CDK12: variants seen among roughly 807,000 people sequenced by gnomAD.
The protein encoded by CDK12 is cyclin dependent kinase 12.
CDK12 carries 17 observed loss-of-function variants against 133.8 expected under a neutral mutation model. The ratio of observed to expected loss-of-function variants is 0.13; its 90% CI spans 0.09 to 0.19. The LOEUF is 0.19. Among genes scored for constraint, CDK12 ranks in the 10% least tolerant of loss-of-function variants. CDK12 has a pLI of 1.00. For missense variants in CDK12, 1,508 were observed against 1,818.7 expected (o/e 0.83, Z 3.11); for synonymous variants, 694 against 683.6 (o/e 1.02, Z -0.24).
At chr17:39,472,202 T>C (rs2145225690) in intron 2 of CDK12, among the ~76,000 whole-genome samples, 2 of 152,118 alleles carry the variant, frequency 1.3e-5, no homozygotes, top group South Asian at 4.2e-4. Flanking sequence ...CATACTGGTC[T>C]GGAACTCCTG....
intron 3 of CDK12, 55 bp downstream of exon 3, chr17:39,490,788 C>G (rs973921075): frequency 7.5e-7 from 1 of 1,333,050 alleles, no homozygotes; most frequent in Non-Finnish European, 1.0e-6. Flanking sequence ...TCCTTTTGAA[C>G]TAAATCTCTC....
chr17:39,560,969 G>A lies in CDK12; in HGVS notation n.485-3791G>A, dbSNP rs548844009. Among the ~76,000 whole-genome samples, 5 of 152,230 alleles carry A rather than the reference G, an allele frequency of 3.3e-5. No homozygotes were observed. The South Asian group carries it at 6.2e-4, about 19-fold the overall frequency. ...GTGGAGGCTGCAGTGAGCCAAGATCGTGCCGCTGCACTCCAGCCTGGGCGA... is the reference window on the plus strand; with the variant it reads ...GTGGAGGCTGCAGTGAGCCAAGATCATGCCGCTGCACTCCAGCCTGGGCGA... On this transcript the variant is annotated intron_variant and non_coding_transcript_variant, in intron 3 of 3. Transcript: ENST00000558240.
intron 2 of CDK12, among the ~76,000 whole-genome samples, chr17:39,474,021 C>T (rs1438788516): frequency 6.6e-6 from 1 of 152,198 alleles, no homozygotes; most frequent in Non-Finnish European, 1.5e-5. Flanking sequence ...CATGCCACTG[C>T]ACTCCAGCCT....
rs1306082764 is a variant in CDK12 at position 39,525,989 on chromosome 17, G to A, written c.3433G>A (p.Glu1145Lys). 6.2e-7 allele frequency: 1 copy of A among 1,614,176 alleles called. No homozygotes were observed. The highest frequency in any genetic ancestry group is 1.1e-5 in the South Asian group (1 of 91,090). ...GCTGCTTAACATCCACTCCAACCCA[G>A]AGATGCAGCAGCAGCTGGAAGCCCT... Reference protein sequence around the residue: ...AQLLNIHSNPEMQQQLEALNQ... With the variant: ...AQLLNIHSNPKMQQQLEALNQ... The change falls in exon 13 of 14, where the codon GAG becomes AAG. Residue 1145 changes from glutamate (E) to lysine (K), a missense_variant. Glu to Lys is a moderately conservative substitution (Grantham distance 56). Coordinates refer to ENST00000447079, the MANE Select transcript of CDK12 (RefSeq NM_016507.4).
intron 1 of CDK12, among the ~76,000 whole-genome samples, chr17:39,463,478 G>T (rs980878412): frequency 6.6e-6 from 1 of 152,066 alleles, no homozygotes; most frequent in East Asian, 1.9e-4. Flanking sequence ...AATCACATTG[G>T]TATTTGTGCT....
intron 8 of CDK12, among the ~76,000 whole-genome samples, chr17:39,513,186 T>C (rs959100447): frequency 1.3e-5 from 2 of 152,218 alleles, no homozygotes; most frequent in African/African-American, 4.8e-5. Context: ...ATGTTTTAAA[T>C]TGGCCATGTT....
intron 11 of CDK12, 47 bp from the exon 12 acceptor site, chr17:39,524,627 C>A: frequency 6.7e-7 from 1 of 1,496,596 alleles, no homozygotes; most frequent in Non-Finnish European, 9.3e-7. Context: ...CATTCATTCA[C>A]TGCTGCATTC....
intron 13 of CDK12, among the ~76,000 whole-genome samples, chr17:39,528,521 G>A (rs892245513): frequency 1.2e-4 from 18 of 151,948 alleles, no homozygotes; most frequent in African/African-American, 4.4e-4. Context: ...TTTTAGTAGA[G>A]ACGGGGTTTC....
chr17:39,493,057 G>A (rs1277650977), intron 4 of CDK12, among the ~76,000 whole-genome samples, 167 bp downstream of exon 4: 14 of 151,510 alleles, frequency 9.2e-5, no homozygotes, highest in Admixed American at 6.6e-4. Context: ...CAGTGGTGCA[G>A]TCTCAACTCA....
At chr17:39,479,425 A>C (rs2050467561) in intron 2 of CDK12, among the ~76,000 whole-genome samples, 1 of 151,820 alleles carries the variant, frequency 6.6e-6, no homozygotes. Flanking sequence ...CTTACACATC[A>C]TTTTTAGTAT....
At chr17:39,515,292 G>A (rs1240126054) in intron 8 of CDK12, among the ~76,000 whole-genome samples, 1 of 152,130 alleles carries the variant, frequency 6.6e-6, no homozygotes. Flanking sequence ...TGCCAAGAAG[G>A]CTATAGTATA....
rs751631029 is a variant in CDK12 at position 39,524,724 on chromosome 17, G to A, written c.3146G>A (p.Arg1049His). 14 of 1,614,182 alleles carry A rather than the reference G, an allele frequency of 8.7e-6. No individual in the cohort carries two copies. In the South Asian group the frequency reaches 1.1e-4, roughly 13 times the overall value. ...GAGTTGTGGAGTAAGAAACGGCGAC[G>A]TCAGCGACAAAGTGGTGTTGTAGTC... ...CHELWSKKRR[R>H]QRQSGVVVEE... The change falls in exon 12 of 14, where the codon CGT (arginine) becomes CAT (histidine). Residue 1049 changes from arginine (R) to histidine (H), a missense_variant. By Grantham distance (29) the Arg-to-His change is conservative (BLOSUM62 0). Around this residue, in one of 9 missense-constraint regions of CDK12, gnomAD observed 399 missense variants for 469.6 expected, o/e 0.85. Coordinates refer to ENST00000447079, the MANE Select transcript of CDK12 (RefSeq NM_016507.4).
At position 39,479,790 on chromosome 17, in the gene CDK12, C is replaced by T. The variant is rs1199030806; in HGVS notation, c.1931+8027C>T. On this transcript the variant is annotated intron_variant, in intron 2 of 13. Transcript: ENST00000447079. ...TATAGGTGCTCACCACCATGCCTGG[C>T]TAATTTTTGTATTTTTAGTAGAGAC... 3.3e-5 allele frequency among the ~76,000 whole-genome samples: 5 copies of T among 151,946 alleles called. No homozygotes were observed. The South Asian group carries it at 6.2e-4, about 19-fold the overall frequency.
downstream of CDK12, among the ~76,000 whole-genome samples, chr17:39,536,938 C>T (rs1381071634): frequency 1.3e-5 from 2 of 152,160 alleles, no homozygotes; most frequent in African/African-American, 4.8e-5. Flanking sequence ...TTCTCTAGGA[C>T]CTGTAAATGG....
Position 39,531,135 on chromosome 17 carries a change from T to C in CDK12, c.4292T>C (p.Val1431Ala). 1 of 1,547,082 alleles carries C rather than the reference T, an allele frequency of 6.5e-7. No individual in the cohort carries two copies. Among genetic ancestry groups the C allele is most frequent in the South Asian group, 1.3e-5 (1 of 79,426 alleles). Residue 1431 changes from valine to alanine, a missense_variant, in exon 14 of 14, where the codon GTA (valine) becomes GCA (alanine). Around this residue, in one of 9 missense-constraint regions of CDK12, gnomAD observed 114 missense variants for 101.2 expected, o/e 1.13. Transcript: ENST00000447079. Reference sequence around the variant, plus strand: ...GCTGAGGGAAGCAGCAATTCTGTGGTACATGCAGAGACCAAATTGCAAAAC... The same window carrying C: ...GCTGAGGGAAGCAGCAATTCTGTGGCACATGCAGAGACCAAATTGCAAAAC... ...LKAEGSSNSV[V>A]HAETKLQNYG...
downstream of CDK12, chr17:39,564,973 G>A (rs1022111010): frequency 5.3e-5 from 8 of 152,248 alleles, no homozygotes; most frequent in African/African-American, 1.9e-4. Context: ...TATCCACAGG[G>A]ATTCTTAAGG....
rs534097509 is a variant in CDK12 at position 39,494,367 on chromosome 17, C to T, written c.2249-157C>T. Among the ~76,000 whole-genome samples, 6 of 152,346 alleles carry T rather than the reference C, an allele frequency of 3.9e-5. No homozygotes were observed. The East Asian group carries it at 1.2e-3, about 29-fold the overall frequency. ...GGATTACAGGTGTGAGCCAGTGCGC[C>T]TGGCCTAGAGTTTACTTTTTAAAGG... On this transcript the variant is annotated intron_variant, in intron 4 of 13. Transcript: ENST00000447079.
At chr17:39,559,855 GT>G (rs1412420519) in intron 3 of CDK12, among the ~76,000 whole-genome samples, 3 of 44,278 alleles carry the variant, frequency 6.8e-5, no homozygotes, top group African/African-American at 1.0e-4. Flanking sequence ...AAGAAAAAAT[GT>G]TAAAAAAAAA....
chr17:39,524,794 A>G lies in CDK12; in HGVS notation c.3216A>G (p.Ser1072=), dbSNP rs374536504. The change falls in exon 12 of 14, where the codon TCA becomes TCG. Residue 1072 remains serine (S), a synonymous_variant. Transcript: ENST00000447079. The part of the protein sequence containing the change: ...PSKTSRKETT[S]GTSTEPVKNS... ...AAACTTCTCGAAAAGAAACTACCTC[A>G]GGGACAAGTACTGAGCCTGTGAAGA... The G allele has an allele frequency of 6.2e-7, 1 of 1,614,230 alleles. No homozygotes were observed. The highest frequency in any genetic ancestry group is 8.5e-7 in the Non-Finnish European group (1 of 1,180,036).
Sources: allele counts gnomAD v4.1 joint callset (sites outside exome capture counted in the v4.1 genomes callset), GRCh38; gene constraint gnomAD v4.1.1; regional missense constraint gnomAD v4.1.1; transcripts MANE v1.5; gene names NCBI Gene and HGNC (gene_info 2026-07-23, HGNC 2026-07-21).